The following ERC2 variants were observed in gnomAD, a reference collection of about 807,000 sequenced individuals.
The protein encoded by ERC2 is ELKS/RAB6-interacting/CAST family member 2.
A neutral mutation model predicts 114.8 loss-of-function variants in ERC2; 42 were observed. That is an observed-to-expected ratio of 0.37 (90% CI 0.29 to 0.47). The LOEUF is 0.47. ERC2 is among the 20% of genes least tolerant of loss of function. The pLI is 0.99. For missense variants in ERC2, 939 were observed against 1,150.7 expected, an observed-to-expected ratio of 0.82 and a Z score of 2.66; for synonymous variants, 454 against 425.5, an observed-to-expected ratio of 1.07 and a Z score of -0.82.
intron 10 of ERC2, among the ~76,000 whole-genome samples, chr3:55,997,919 T>TGG (rs1672484644): frequency 2.4e-5 from 1 of 42,192 alleles, no homozygotes; most frequent in Non-Finnish European, 4.2e-5. Context: ...TGTGTGTGTG[T>TGG]GTGTTTTTTG....
chr3:55,575,022 G>A (rs534633023), intron 17 of ERC2, among the ~76,000 whole-genome samples: 2 of 152,140 alleles, frequency 1.3e-5, no homozygotes, highest in Admixed American at 6.5e-5. Flanking sequence ...CTTTCTTTCT[G>A]TTTTTTTCTG....
At chr3:55,878,102 T>C (rs917866053) in intron 14 of ERC2, among the ~76,000 whole-genome samples, 1 of 152,204 alleles carries the variant, frequency 6.6e-6, no homozygotes. Flanking sequence ...AAGATAGAGA[T>C]AACATGAAGT....
At chr3:55,649,633 G>A (rs914169794) in intron 17 of ERC2, among the ~76,000 whole-genome samples, 58 of 152,138 alleles carry the variant, frequency 3.8e-4, no homozygotes, top group African/African-American at 1.4e-3. Context: ...GCAGGTGCAG[G>A]GTGAAGAAGA....
intron 2 of ERC2, among the ~76,000 whole-genome samples, chr3:56,374,960 G>A (rs879305010): frequency 3.9e-5 from 6 of 152,114 alleles, no homozygotes; most frequent in Non-Finnish European, 8.8e-5. Flanking sequence ...AAGCATGAGG[G>A]ACTAAAATCT....
At chr3:55,982,097 G>A (rs977448831) in intron 12 of ERC2, among the ~76,000 whole-genome samples, 7 of 152,178 alleles carry the variant, frequency 4.6e-5, no homozygotes, top group Non-Finnish European at 8.8e-5. Flanking sequence ...CTGGAGAGGG[G>A]AGATAAATCT....
intron 3 of ERC2, among the ~76,000 whole-genome samples, chr3:56,262,597 C>T (rs769110210): frequency 1.3e-5 from 2 of 152,116 alleles, no homozygotes; most frequent in Non-Finnish European, 2.9e-5. Context: ...AAAAATTATG[C>T]CCTAATGAAA....
chr3:56,300,244 A>G (rs938311961), intron 2 of ERC2, among the ~76,000 whole-genome samples: 1 of 151,338 alleles, frequency 6.6e-6, no homozygotes. Context: ...CATTCAATAT[A>G]CAGTTACTGA....
At chr3:55,513,336 C>T (rs2052234355) in intron 17 of ERC2, among the ~76,000 whole-genome samples, 2 of 152,232 alleles carry the variant, frequency 1.3e-5, no homozygotes, top group African/African-American at 4.8e-5. Context: ...GCTGACATTC[C>T]ACTCTTTATG....
chr3:56,033,076 GAAA>G (rs1364811121), intron 7 of ERC2, among the ~76,000 whole-genome samples: 1 of 119,664 alleles, frequency 8.4e-6, no homozygotes, highest in East Asian at 2.4e-4. Flanking sequence ...AAGAAAGAAA[GAAA>G]GAAAGAAAAG....
chr3:56,283,226 A>C (rs1021665347), intron 3 of ERC2, among the ~76,000 whole-genome samples: 3 of 152,254 alleles, frequency 2.0e-5, no homozygotes, highest in Non-Finnish European at 4.4e-5. Context: ...CTAAAGCTTG[A>C]ATCTTTGAAA....
rs1458070 is a variant in ERC2 at position 55,964,243 on chromosome 3, C to T, written c.2268-13683G>A. Among the ~76,000 whole-genome samples the T allele has an allele frequency of 7.2e-4, 109 of 152,156 alleles. 1 individual carries two copies. In the South Asian group the frequency reaches 0.021, roughly 30 times the overall value. On this transcript the variant is annotated intron_variant, in intron 12 of 17. Coordinates refer to ENST00000288221, the MANE Select transcript of ERC2 (RefSeq NM_015576.3). ...CCCATTTTACAGATGAAGAAGCAGA[C>T]GCTTAGAGAGGTTATATAATATGCC...
At chr3:56,202,442 C>A (rs905671841) in intron 3 of ERC2, among the ~76,000 whole-genome samples, 1 of 151,128 alleles carries the variant, frequency 6.6e-6, no homozygotes, top group Non-Finnish European at 1.5e-5. Context: ...GCACTGCAAT[C>A]TACAGCAAAA....
intron 14 of ERC2, among the ~76,000 whole-genome samples, chr3:55,818,226 C>A (rs1252205260): frequency 6.6e-6 from 1 of 152,228 alleles, no homozygotes; most frequent in African/African-American, 2.4e-5. Context: ...CCAAGCTCCA[C>A]ACTCAGAGCT....
chr3:56,332,587 T>C (rs563384128), intron 2 of ERC2, among the ~76,000 whole-genome samples: 1 of 152,316 alleles, frequency 6.6e-6, no homozygotes, highest in South Asian at 2.1e-4. Context: ...CCATCAAATA[T>C]GGGAGTGGGA....
chr3:56,131,507 G>A (rs1318482681), intron 6 of ERC2, among the ~76,000 whole-genome samples: 2 of 152,090 alleles, frequency 1.3e-5, no homozygotes, highest in Non-Finnish European at 2.9e-5. Flanking sequence ...TCTTAATTTT[G>A]AATGCAGTGA....
At chr3:56,333,813 G>T (rs546033051) in intron 2 of ERC2, among the ~76,000 whole-genome samples, 27 of 152,192 alleles carry the variant, frequency 1.8e-4, no homozygotes, top group Non-Finnish European at 4.0e-4. Context: ...TCATCCCAGA[G>T]ATGTGAGAAT....
intron 17 of ERC2, among the ~76,000 whole-genome samples, chr3:55,589,531 A>C (rs896884483): frequency 2.6e-5 from 4 of 152,126 alleles, no homozygotes; most frequent in African/African-American, 9.7e-5. Flanking sequence ...AATACTCAAT[A>C]AATGGTAACT....
chr3:55,585,153 C>T (rs1385842378), intron 17 of ERC2, among the ~76,000 whole-genome samples: 1 of 152,204 alleles, frequency 6.6e-6, no homozygotes. Context: ...GCCATCCATT[C>T]GGTCCAGATT....
At chr3:55,677,516 CA>C in intron 17 of ERC2, among the ~76,000 whole-genome samples, 1 of 152,234 alleles carries the variant, frequency 6.6e-6, no homozygotes, top group Admixed American at 6.5e-5. Flanking sequence ...ATATTCTACC[CA>C]GGGTTGAATA....
Sources: allele counts gnomAD v4.1 joint callset (sites outside exome capture counted in the v4.1 genomes callset), GRCh38; gene constraint gnomAD v4.1.1; transcripts MANE v1.5; gene names NCBI Gene and HGNC (gene_info 2026-07-23, HGNC 2026-07-21).